ZNG1A: variants seen among roughly 807,000 people sequenced by gnomAD.
ZNG1A encodes the protein zinc-regulated GTPase metalloprotein activator 1A.
chr9:131,179 C>CT, the ZNG1A span, among the ~76,000 whole-genome samples: 3 of 131,648 alleles, frequency 2.3e-5, no homozygotes, highest in African/African-American at 6.2e-5. Flanking sequence ...CCATTTCAGA[C>CT]TTTTTTTTTC....
chr9:153,890 C>G, the ZNG1A span: 1 of 152,034 alleles, frequency 6.6e-6, no homozygotes, highest in Non-Finnish European at 1.5e-5. Context: ...GCATTGTACA[C>G]ATTAAAGATA....
At chr9:133,790 A>G in the ZNG1A span, among the ~76,000 whole-genome samples, 1 of 150,954 alleles carries the variant, frequency 6.6e-6, no homozygotes, top group Non-Finnish European at 1.5e-5. Flanking sequence ...CTCACTGAGT[A>G]CCCACCAAGC....
the ZNG1A span, among the ~76,000 whole-genome samples, chr9:129,407 C>T: frequency 2.6e-5 from 4 of 150,948 alleles, no homozygotes; most frequent in South Asian, 6.3e-4. Flanking sequence ...AGTCAAGACA[C>T]TAACAACCAC....
chr9:173,832 G>A, the ZNG1A span, among the ~76,000 whole-genome samples: 1 of 151,982 alleles, frequency 6.6e-6, no homozygotes, highest in Non-Finnish European at 1.5e-5. Context: ...TTCCCAATGA[G>A]TAAAAACCCT....
chr9:143,321 C>T, the ZNG1A span, among the ~76,000 whole-genome samples: 6 of 146,306 alleles, frequency 4.1e-5, no homozygotes, highest in Non-Finnish European at 5.9e-5. Flanking sequence ...CCGAATCCAG[C>T]AGCACATCAA....
At chr9:167,301 T>C in the ZNG1A span, 1 of 151,096 alleles carries the variant, frequency 6.6e-6, no homozygotes, top group Non-Finnish European at 1.5e-5. Context: ...TCAGAGACTA[T>C]AATACTCACA....
the ZNG1A span, among the ~76,000 whole-genome samples, chr9:157,056 CCTT>C: frequency 7.5e-6 from 1 of 133,524 alleles, no homozygotes; most frequent in Non-Finnish European, 1.6e-5. Context: ...CAGTACTAGG[CCTT>C]TCAAACACCC....
the ZNG1A span, among the ~76,000 whole-genome samples, chr9:170,377 GCGCA>G: frequency 7.0e-5 from 10 of 143,496 alleles, no homozygotes; most frequent in African/African-American, 1.8e-4. Context: ...GTGTGTGTGT[GCGCA>G]TGTGCATGTG....
At chr9:121,001 C>T in the ZNG1A span, 1 of 166,452 alleles carries the variant, frequency 6.0e-6, no homozygotes, top group South Asian at 1.4e-4. Flanking sequence ...CTGACAAACA[C>T]TCCTTCAGCC....
At chr9:140,077 G>C in the ZNG1A span, among the ~76,000 whole-genome samples, 2 of 150,832 alleles carry the variant, frequency 1.3e-5, no homozygotes, top group Non-Finnish European at 2.9e-5. Flanking sequence ...GCGGCAGCGA[G>C]GCTCGGGGAG....
chr9:163,603 TA>T, the ZNG1A span, among the ~76,000 whole-genome samples: 23 of 152,018 alleles, frequency 1.5e-4, no homozygotes, highest in African/African-American at 5.6e-4. Flanking sequence ...ACAATAAGCT[TA>T]ACCATAAAGA....
the ZNG1A span, chr9:149,471 G>A: frequency 2.0e-5 from 3 of 151,950 alleles, no homozygotes; most frequent in South Asian, 6.2e-4. Context: ...TTAAGACTCA[G>A]GTCAATGACT....
chr9:142,970 T>C, the ZNG1A span, among the ~76,000 whole-genome samples: 5 of 140,618 alleles, frequency 3.6e-5, no homozygotes, highest in African/African-American at 1.4e-4. Context: ...CCTTGACACA[T>C]ACACCCTCCA....
the ZNG1A span, among the ~76,000 whole-genome samples, chr9:168,909 G>A: frequency 1.1e-4 from 17 of 152,026 alleles, no homozygotes; most frequent in Non-Finnish European, 2.2e-4. Context: ...CATTGACAAC[G>A]CACCTGATCA....
At chr9:173,660 T>C in the ZNG1A span, among the ~76,000 whole-genome samples, 5 of 152,256 alleles carry the variant, frequency 3.3e-5, no homozygotes, top group East Asian at 1.9e-4. Flanking sequence ...AGTAGCTATC[T>C]TGAAGGCATT....
the ZNG1A span, chr9:172,086 T>G: frequency 1.9e-5 from 30 of 1,610,930 alleles, no homozygotes; most frequent in South Asian, 3.3e-4. Context: ...CTTACCAGGG[T>G]CTGCTAATCC....
At chr9:124,908 G>C in the ZNG1A span, among the ~76,000 whole-genome samples, 1 of 151,378 alleles carries the variant, frequency 6.6e-6, no homozygotes. Flanking sequence ...TGGCTGAGGA[G>C]TATTCCATTG....
the ZNG1A span, among the ~76,000 whole-genome samples, chr9:155,582 T>C: frequency 8.5e-5 from 13 of 152,282 alleles, no homozygotes; most frequent in African/African-American, 3.1e-4. Context: ...TATTTTCTAT[T>C]AGCAGGATAG....
At chr9:129,601 G>T in the ZNG1A span, among the ~76,000 whole-genome samples, 1 of 149,976 alleles carries the variant, frequency 6.7e-6, no homozygotes. Context: ...CTAATATCAG[G>T]TGTCTAAAAC....
Sources: allele counts gnomAD v4.1 joint callset (sites outside exome capture counted in the v4.1 genomes callset), GRCh38; gene constraint gnomAD v4.1.1; transcripts MANE v1.5; gene names NCBI Gene and HGNC (gene_info 2026-07-23, HGNC 2026-07-21).